Variants in FBRSL1 observed in about 807,000 individuals in gnomAD.
The protein encoded by FBRSL1 is fibrosin like 1.
Under a neutral mutation model 89.6 loss-of-function variants are expected in FBRSL1, and 51 were observed. The observed-to-expected ratio is 0.57, with a 90% CI of 0.45 to 0.72. The LOEUF is 0.72. FBRSL1 is among the 30% of genes least tolerant of loss of function. The pLI, the probability that FBRSL1 is intolerant of heterozygous loss-of-function variation, is 0.00. For synonymous variants in FBRSL1, 779 were observed against 681.1 expected (o/e 1.14, Z -2.24); for missense variants, 1,618 against 1,451.8 (o/e 1.11, Z -1.86).
rs764508822 is a variant in FBRSL1 at position 132,569,996 on chromosome 12, C to T, written c.762C>T (p.Arg254=). ...AGGTGTCAGGCCTGGAGCGCAGCCGCGAGCTCAGCGCCGAGAGCTTCCTGC... is the reference window on the plus strand; with the variant it reads ...AGGTGTCAGGCCTGGAGCGCAGCCGTGAGCTCAGCGCCGAGAGCTTCCTGC... ...VPKVSGLERS[R]ELSAESFLPT... Residue 254 remains arginine (R), a synonymous_variant, in exon 7 of 19, where the codon CGC becomes CGT. Coordinates refer to ENST00000680143, the MANE Select transcript of FBRSL1 (RefSeq NM_001367871.1). 3.1e-5 allele frequency: 47 copies of T among 1,502,580 alleles called. No individual in the cohort carries two copies. The highest frequency in any genetic ancestry group is 1.8e-4 in the Middle Eastern group (1 of 5,712). 93.1% of individuals were successfully genotyped at this position (1,502,580 alleles called of 1,614,324 possible).
chr12:132,492,956 T>C (rs571507222), intron 1 of FBRSL1, among the ~76,000 whole-genome samples: 1 of 152,354 alleles, frequency 6.6e-6, no homozygotes, highest in African/African-American at 2.4e-5. Flanking sequence ...TCAATAGTAG[T>C]GACTGGTTCA....
chr12:132,495,377 G>A (rs568577481), intron 1 of FBRSL1, among the ~76,000 whole-genome samples: 108 of 152,342 alleles, frequency 7.1e-4, no homozygotes, highest in Middle Eastern at 6.8e-3. Flanking sequence ...GGGGACCGCT[G>A]AGGCCACACT....
intron 2 of FBRSL1, chr12:132,509,512 A>G (rs1644516528): frequency 7.3e-6 from 9 of 1,235,774 alleles, no homozygotes; most frequent in Non-Finnish European, 8.1e-6. Context: ...TGCCGGCCGC[A>G]TTGGGCACTC....
At chr12:132,510,181 G>T in intron 2 of FBRSL1, 2 of 1,231,444 alleles carry the variant, frequency 1.6e-6, no homozygotes, top group Non-Finnish European at 2.0e-6. Flanking sequence ...CCGCTCATGG[G>T]CCCCAACAAG....
At chr12:132,547,528 AGCTGGG>A (rs966324169) in intron 4 of FBRSL1, among the ~76,000 whole-genome samples, 3 of 152,122 alleles carry the variant, frequency 2.0e-5, no homozygotes, top group Non-Finnish European at 4.4e-5. Context: ...CACCATCAGG[AGCTGGG>A]GTGCCTGGAT....
intron 1 of FBRSL1, among the ~76,000 whole-genome samples, chr12:132,498,662 CT>C (rs1189503093): frequency 6.6e-6 from 1 of 152,208 alleles, no homozygotes; most frequent in African/African-American, 2.4e-5. Flanking sequence ...CCTTGAGGTG[CT>C]ACTGCACAGG....
intron 1 of FBRSL1, among the ~76,000 whole-genome samples, chr12:132,500,183 G>A (rs2032740676): frequency 6.6e-6 from 1 of 152,118 alleles, no homozygotes; most frequent in East Asian, 1.9e-4. Flanking sequence ...GCCCCACTGA[G>A]GCCAGAGGGA....
intron 5 of FBRSL1, among the ~76,000 whole-genome samples, chr12:132,549,863 G>A (rs528104377): frequency 7.2e-5 from 11 of 152,358 alleles, no homozygotes; most frequent in African/African-American, 2.2e-4. Context: ...GCTGGAGGCC[G>A]AGGGGTCCAT....
At chr12:132,516,185 G>T (rs931538848) in intron 2 of FBRSL1, among the ~76,000 whole-genome samples, 11 of 150,282 alleles carry the variant, frequency 7.3e-5, no homozygotes, top group Admixed American at 2.7e-4. Context: ...TAGATAATCC[G>T]AATAGTCTTT....
chr12:132,527,506 G>A (rs148237051), intron 3 of FBRSL1, among the ~76,000 whole-genome samples: 269 of 152,324 alleles, frequency 1.8e-3, no homozygotes, highest in Middle Eastern at 3.4e-3. Context: ...CTCAGCCCTC[G>A]TGGCCCCTGC....
rs2039987292 is a variant in FBRSL1 at position 132,571,242 on chromosome 12, G to A, written c.1377+11G>A. The stretch of plus-strand genomic sequence containing the variant: ...CCCCGGGAGTGCCAGGTGACTATCC[G>A]CCTCGCCCCGCCGGGAGCCCGCGGC... On this transcript the variant is annotated intron_variant, in intron 9 of 18. Transcript: ENST00000680143. 23 of 1,470,406 alleles carry A rather than the reference G, an allele frequency of 1.6e-5. No individual in the cohort carries two copies. Among genetic ancestry groups the A allele is most frequent in the Admixed American group, 6.7e-5 (3 of 44,742 alleles). 91.1% of individuals were successfully genotyped at this position (1,470,406 alleles called of 1,614,324 possible).
chr12:132,547,511 C>T (rs2037797977), intron 4 of FBRSL1, among the ~76,000 whole-genome samples: 1 of 152,238 alleles, frequency 6.6e-6, no homozygotes, highest in African/African-American at 2.4e-5. Context: ...GGCTCCCAGG[C>T]TCTGCCCACC....
At chr12:132,500,616 C>T (rs2032809421) in intron 1 of FBRSL1, among the ~76,000 whole-genome samples, 1 of 152,184 alleles carries the variant, frequency 6.6e-6, no homozygotes. Context: ...CCGACCTCAT[C>T]CAGCTGCTGT....
intron 14 of FBRSL1, 135 bp downstream of exon 14, chr12:132,574,699 C>A: frequency 8.6e-7 from 1 of 1,166,618 alleles, no homozygotes; most frequent in Non-Finnish European, 1.2e-6. Flanking sequence ...AGCCGCCTGC[C>A]CCTTCCTCTG....
At chr12:132,580,866 T>C in intron 15 of FBRSL1, 1 of 985,100 alleles carries the variant, frequency 1.0e-6, no homozygotes, top group Non-Finnish European at 1.2e-6. Context: ...CAGCAGCCCC[T>C]CCCAGGGCCC....
intron 2 of FBRSL1, chr12:132,511,824 G>T (rs1593290203): frequency 3.0e-6 from 3 of 984,582 alleles, no homozygotes; most frequent in Non-Finnish European, 3.6e-6. Context: ...TGGCCTCCGG[G>T]CCCCCTCGCT....
chr12:132,576,450 C>G (rs1192950404), intron 14 of FBRSL1, among the ~76,000 whole-genome samples: 1 of 152,200 alleles, frequency 6.6e-6, no homozygotes, highest in Non-Finnish European at 1.5e-5. Context: ...GTATCAGCCT[C>G]CCAAAGTGCT....
At chr12:132,570,961 A>G in intron 8 of FBRSL1, 107 bp from the exon 9 acceptor site, 1 of 767,642 alleles carries the variant, frequency 1.3e-6, no homozygotes, top group Non-Finnish European at 1.6e-6. Context: ...AGCCCGGCCC[A>G]GGCTGGGGAC....
At chr12:132,575,165 C>A (rs975705480) in intron 14 of FBRSL1, among the ~76,000 whole-genome samples, 1 of 152,210 alleles carries the variant, frequency 6.6e-6, no homozygotes, top group Non-Finnish European at 1.5e-5. Context: ...CACCTCCGCA[C>A]ACAACTCTGA....
Sources: allele counts gnomAD v4.1 joint callset (sites outside exome capture counted in the v4.1 genomes callset), GRCh38; gene constraint gnomAD v4.1.1; transcripts MANE v1.5; gene names NCBI Gene and HGNC (gene_info 2026-07-23, HGNC 2026-07-21).